Variants in CCDC126 observed in about 807,000 individuals in gnomAD.
CCDC126 encodes the protein coiled-coil domain containing 126.
CCDC126 carries 5 observed loss-of-function variants against 11.7 expected under a neutral mutation model. The ratio of observed to expected loss-of-function variants is 0.43; its 90% confidence interval spans 0.22 to 0.90. The LOEUF is 0.90. Ranked by LOEUF, CCDC126 falls within the 40% of genes least tolerant of loss-of-function variation. The pLI is 0.27. For synonymous variants in CCDC126, 60 were observed against 61.9 expected, an observed-to-expected ratio of 0.97 and a Z score of 0.14; for missense variants, 150 against 163.1, an observed-to-expected ratio of 0.92 and a Z score of 0.44.
intron 2 of CCDC126, among the ~76,000 whole-genome samples, chr7:23,603,832 T>C (rs1159564484): frequency 6.6e-6 from 1 of 152,180 alleles, no homozygotes; most frequent in Non-Finnish European, 1.5e-5. Flanking sequence ...GGCTGATTGT[T>C]CACTAGGCTC....
intron 2 of CCDC126, among the ~76,000 whole-genome samples, chr7:23,599,130 A>C (rs984359365): frequency 6.6e-6 from 1 of 152,010 alleles, no homozygotes; most frequent in African/African-American, 2.4e-5. Context: ...GCCAGTTATC[A>C]CTCTCTCATG....
At chr7:23,627,459 C>T (rs1024264877) in intron 3 of CCDC126, among the ~76,000 whole-genome samples, 2 of 151,100 alleles carry the variant, frequency 1.3e-5, no homozygotes, top group Admixed American at 6.6e-5. Flanking sequence ...CCCAGCTACT[C>T]GGGAGGCTGA....
At chr7:23,629,376 ATC>A (rs1783067935) in intron 3 of CCDC126, among the ~76,000 whole-genome samples, 1 of 152,150 alleles carries the variant, frequency 6.6e-6, no homozygotes, top group East Asian at 1.9e-4. Flanking sequence ...CAGATACCAA[ATC>A]TGCCGGCCCC....
intron 3 of CCDC126, chr7:23,619,308 G>A: frequency 3.6e-6 from 1 of 275,080 alleles, no homozygotes; most frequent in Non-Finnish European, 7.0e-6. Context: ...CTGCACATCT[G>A]AAGAAACAGG....
intron 2 of CCDC126, among the ~76,000 whole-genome samples, chr7:23,605,088 G>A (rs542595310): frequency 6.6e-6 from 1 of 152,126 alleles, no homozygotes; most frequent in Admixed American, 6.6e-5. Context: ...ACATTTTGAA[G>A]CGATGACATT....
chr7:23,643,121 G>A lies in CCDC126; in HGVS notation c.*6G>A, dbSNP rs1783395273. Reference sequence around the variant, plus strand: ...TCTCGGGCAGTATCAGATAGCAGTTGAAAATCACCTTGTGCTGCTCCATCC... The same window carrying A: ...TCTCGGGCAGTATCAGATAGCAGTTAAAAATCACCTTGTGCTGCTCCATCC... On this transcript the variant is annotated 3_prime_UTR_variant, in exon 4 of 4. Transcript: ENST00000307471. 34 of 1,611,930 alleles carry A rather than the reference G, an allele frequency of 2.1e-5. No homozygotes were observed. Among genetic ancestry groups the A allele is most frequent in the Non-Finnish European group, 2.8e-5 (33 of 1,178,694 alleles).
intron 3 of CCDC126, among the ~76,000 whole-genome samples, chr7:23,632,159 T>A (rs1783127219): frequency 6.6e-6 from 1 of 151,188 alleles, no homozygotes. Context: ...AGTGGTGTGA[T>A]CTCAGCTCAC....
intron 2 of CCDC126, among the ~76,000 whole-genome samples, chr7:23,604,961 G>GCACTCCA (rs1485548897): frequency 6.7e-5 from 10 of 149,074 alleles, no homozygotes; most frequent in Admixed American, 2.7e-4. Context: ...TTGAGCCACT[G>GCACTCCA]CACTCCAGCC....
intron 3 of CCDC126, among the ~76,000 whole-genome samples, chr7:23,621,201 C>G (rs904255472): frequency 6.6e-6 from 1 of 152,234 alleles, no homozygotes. Context: ...TTGATTCTTC[C>G]TATCCATGAG....
intron 3 of CCDC126, among the ~76,000 whole-genome samples, chr7:23,633,501 G>T (rs1342581552): frequency 2.0e-5 from 3 of 152,080 alleles, no homozygotes; most frequent in African/African-American, 7.2e-5. Context: ...TTCTTTGGAA[G>T]CATTCTTCCT....
intron 3 of CCDC126, among the ~76,000 whole-genome samples, chr7:23,613,602 A>C (rs1051920956): frequency 1.3e-5 from 2 of 151,238 alleles, no homozygotes; most frequent in African/African-American, 4.9e-5. Flanking sequence ...CATTCCATCC[A>C]CCCCCCAGGC....
At chr7:23,623,400 C>T (rs1782958245) in intron 3 of CCDC126, among the ~76,000 whole-genome samples, 1 of 151,934 alleles carries the variant, frequency 6.6e-6, no homozygotes, top group Non-Finnish European at 1.5e-5. Context: ...AGTTTGAGAC[C>T]AGCCACGACA....
chr7:23,603,712 G>A (rs150100266), intron 2 of CCDC126, among the ~76,000 whole-genome samples: 97 of 152,266 alleles, frequency 6.4e-4, no homozygotes, highest in African/African-American at 2.3e-3. Context: ...TCTATCCTCT[G>A]GTCCTCTACC....
intron 3 of CCDC126, among the ~76,000 whole-genome samples, chr7:23,638,930 T>C (rs1489842149): frequency 2.0e-5 from 3 of 147,808 alleles, no homozygotes; most frequent in African/African-American, 7.4e-5. Flanking sequence ...TTTAATATTA[T>C]AAAGGAGGTG....
At chr7:23,612,553 G>T (rs1001659764) in intron 3 of CCDC126, among the ~76,000 whole-genome samples, 2 of 148,786 alleles carry the variant, frequency 1.3e-5, no homozygotes, top group Non-Finnish European at 3.0e-5. Context: ...CACACCTGTA[G>T]TCTTAGCTAG....
chr7:23,601,756 T>C (rs1782549083), intron 2 of CCDC126: 1 of 152,206 alleles, frequency 6.6e-6, no homozygotes, highest in Admixed American at 6.5e-5. Context: ...CCATAGCTCA[T>C]TGAAACCTGG....
intron 3 of CCDC126, among the ~76,000 whole-genome samples, chr7:23,632,211 A>G (rs1783128244): frequency 6.6e-6 from 1 of 150,958 alleles, no homozygotes; most frequent in Non-Finnish European, 1.5e-5. Flanking sequence ...CTCCCACCTC[A>G]GCCTTCCAAG....
At chr7:23,622,993 G>A (rs1782946118) in intron 3 of CCDC126, among the ~76,000 whole-genome samples, 2 of 87,052 alleles carry the variant, frequency 2.3e-5, no homozygotes, top group African/African-American at 9.8e-5. Context: ...TTTTTTTTGA[G>A]ATGAAGTTTT....
chr7:23,600,376 C>CG (rs1193561038), intron 2 of CCDC126, among the ~76,000 whole-genome samples: 24 of 103,358 alleles, frequency 2.3e-4, no homozygotes, highest in African/African-American at 4.8e-4. Context: ...CTGTGTTAAC[C>CG]CCCCCCCCCC....
Sources: gnomAD v4.1 joint callset for allele counts (sites outside exome capture counted in the v4.1 genomes callset) on GRCh38, gnomAD v4.1.1 for gene constraint, MANE v1.5 for transcripts, NCBI Gene and HGNC (gene_info 2026-07-23, HGNC 2026-07-21) for gene names.